Variants in RSPO1 observed in about 807,000 individuals in gnomAD.
The protein encoded by RSPO1 is R-spondin-1.
A neutral mutation model predicts 26.0 loss-of-function variants in RSPO1; 18 were observed. The observed-to-expected ratio is 0.69, with a 90% CI of 0.48 to 1.03. The LOEUF is 1.03. Ranked by LOEUF, RSPO1 falls within the 50% of genes least tolerant of loss-of-function variation. The pLI, the probability that RSPO1 is intolerant of heterozygous loss-of-function variation, is 0.00. For synonymous variants in RSPO1, 133 were observed against 137.4 expected (o/e 0.97, Z 0.22); for missense variants, 309 against 352.3 (o/e 0.88, Z 0.98).
At chr1:37,616,349 A>T in intron 4 of RSPO1, 135 bp downstream of exon 4, 1 of 747,508 alleles carries the variant, frequency 1.3e-6, no homozygotes, top group Admixed American at 2.4e-5. Flanking sequence ...GCGGCTGGAT[A>T]CTTGAATCGG....
chr1:37,626,490 C>T (rs1423533689), intron 3 of RSPO1, among the ~76,000 whole-genome samples: 10 of 152,200 alleles, frequency 6.6e-5, no homozygotes, highest in Admixed American at 6.5e-5. Flanking sequence ...GTGCGGCATT[C>T]CCGAACTGGA....
chr1:37,614,004 C>T, intron 5 of RSPO1, 112 bp from the exon 6 acceptor site: 3 of 1,379,340 alleles, frequency 2.2e-6, no homozygotes, highest in Non-Finnish European at 3.1e-6. Flanking sequence ...CTGCCTGGAC[C>T]TGAGGCTGCA....
Position 37,629,862 on chromosome 1 carries a change from C to T in RSPO1, c.-201G>A. 1 of 1,550,682 alleles carries T rather than the reference C, an allele frequency of 6.4e-7. No homozygotes were observed. Among genetic ancestry groups the T allele is most frequent in the South Asian group, 1.2e-5 (1 of 84,046 alleles). ...TTCTCCATCAGCTCAAAGGGAGGTC[C>T]TCAAAGAGAGACTTCCTCAAAGATA... On this transcript the variant is annotated 5_prime_UTR_variant, in exon 3 of 7. Transcript: ENST00000356545.
Position 37,611,688 on chromosome 1 carries a change from T to C in RSPO1, c.*1067A>G, listed in dbSNP as rs546054774. On this transcript the variant is annotated 3_prime_UTR_variant, in exon 7 of 7. Coordinates refer to ENST00000356545, the MANE Select transcript of RSPO1 (RefSeq NM_001242908.2). The stretch of plus-strand genomic sequence containing the variant: ...CACTCCCTTCCCCTGGCAGTGCCAC[T>C]AGCCCTTCAGTATATAGATTCTGCC... 6.6e-5 allele frequency: 9 copies of C among 136,372 alleles called. No individual in the cohort carries two copies. The highest frequency in any genetic ancestry group is 4.3e-4 in the Admixed American group (6 of 14,056). 8.4% of individuals were successfully genotyped at this position (136,372 alleles called of 1,614,324 possible). A position where few individuals can be genotyped will look rare whatever the true frequency, so the allele number is the denominator to read the frequency against.
At chr1:37,614,420 C>A in intron 4 of RSPO1, 87 bp from the exon 5 acceptor site, 2 of 1,460,144 alleles carry the variant, frequency 1.4e-6, no homozygotes, top group South Asian at 2.3e-5. Flanking sequence ...TCCCTTCTGT[C>A]CACACCCACC....
intron 3 of RSPO1, among the ~76,000 whole-genome samples, chr1:37,622,314 G>C (rs1447697614): frequency 1.3e-5 from 2 of 152,190 alleles, no homozygotes; most frequent in Non-Finnish European, 2.9e-5. Flanking sequence ...TTGTTCGGCA[G>C]TGAAAGGAAG....
At chr1:37,620,272 G>A (rs1644180420) in intron 3 of RSPO1, among the ~76,000 whole-genome samples, 1 of 152,162 alleles carries the variant, frequency 6.6e-6, no homozygotes, top group South Asian at 2.1e-4. Context: ...CAGCACTTCG[G>A]GAGGCTGAGG....
In RSPO1 at chr1:37,612,706, G is replaced by T. The variant is rs1243722988; in HGVS notation, c.*49C>A. The T allele has an allele frequency of 1.3e-6, 2 of 1,592,786 alleles. No individual in the cohort carries two copies. Among genetic ancestry groups the T allele is most frequent in the East Asian group, 2.2e-5 (1 of 44,770 alleles). ...AGTTCAGGAAAGCTTGAATCACGCA[G>T]AGTAGCACTGAACTCTTTCTGCATG... On this transcript the variant is annotated 3_prime_UTR_variant, in exon 7 of 7. Transcript: ENST00000356545.
At position 37,611,878 on chromosome 1, in the gene RSPO1, A is replaced by G. The variant is rs1306366288; in HGVS notation, c.*877T>C. ...CTTAAAATTTAGACTCTGGCTCACC[A>G]GGTCTGGAATGAGACCTGAGATTCT... On this transcript the variant is annotated 3_prime_UTR_variant, in exon 7 of 7. Coordinates refer to ENST00000356545, the MANE Select transcript of RSPO1 (RefSeq NM_001242908.2). 1 of 152,388 alleles carries G rather than the reference A, an allele frequency of 6.6e-6. No individual in the cohort carries two copies. Among genetic ancestry groups the G allele is most frequent in the Non-Finnish European group, 1.5e-5 (1 of 68,182 alleles). The allele number at this position is 152,388 out of a possible 1,614,324, so 9.4% of individuals were successfully genotyped here.
At chr1:37,616,771 C>G in intron 3 of RSPO1, 96 bp from the exon 4 acceptor site, 1 of 1,178,756 alleles carries the variant, frequency 8.5e-7, no homozygotes, top group Non-Finnish European at 1.3e-6. Context: ...TCGATGTTTC[C>G]TTCCACAGAA....
chr1:37,612,367 TC>T lies in RSPO1; in HGVS notation c.*387del, dbSNP rs753467437. 3 of 257,580 alleles carry T rather than the reference TC, an allele frequency of 1.2e-5. No individual in the cohort carries two copies. The highest frequency in any genetic ancestry group is 2.3e-5 in the Non-Finnish European group (3 of 131,222). 16.0% of individuals were successfully genotyped at this position (257,580 alleles called of 1,614,324 possible). On this transcript the variant is annotated 3_prime_UTR_variant, in exon 7 of 7. Transcript: ENST00000356545. The stretch of plus-strand genomic sequence containing the variant: ...TGGCTGGTCCGATCCCAGCAGCTTC[TC>T]CAGAAGGCTCCCCTCTGCAGTTTGG...
Position 37,614,204 on chromosome 1 carries a change from G to A in RSPO1, c.416C>T (p.Thr139Ile). Reference protein sequence around the residue: ...CPEGSSAANGTMECSSPAQCE... With the variant: ...CPEGSSAANGIMECSSPAQCE... ...CTTACCAGGACTACTGCACTCCATG[G>A]TGCCATTGGCAGCTGAGGAGCCCTC... The change falls in exon 5 of 7, where the codon ACC (threonine) becomes ATC (isoleucine). Residue 139 changes from threonine to isoleucine, a missense_variant. Coordinates refer to ENST00000356545, the MANE Select transcript of RSPO1 (RefSeq NM_001242908.2). The A allele has an allele frequency of 6.2e-7, 1 of 1,613,146 alleles. No individual in the cohort carries two copies. Among genetic ancestry groups the A allele is most frequent in the Non-Finnish European group, 8.5e-7 (1 of 1,180,020 alleles).
At chr1:37,614,032 G>A in intron 5 of RSPO1, 140 bp from the exon 6 acceptor site, 1 of 1,313,508 alleles carries the variant, frequency 7.6e-7, no homozygotes, top group Non-Finnish European at 1.1e-6. Flanking sequence ...TTAGTCCAGA[G>A]GGCAGAAAAG....
Position 37,629,781 on chromosome 1 carries a change from G to A in RSPO1, c.-120C>T, listed in dbSNP as rs575503019. ...GCAGCAGGAGGCCCAGGCCTGGGCC[G>A]TAGCCCAAATCCACCATAATCTCAG... On this transcript the variant is annotated 5_prime_UTR_variant, in exon 3 of 7. It adds an upstream start codon to the 5' untranslated region. Coordinates refer to ENST00000356545, the MANE Select transcript of RSPO1 (RefSeq NM_001242908.2). 1.4e-5 allele frequency: 22 copies of A among 1,552,482 alleles called. No individual in the cohort carries two copies. The highest frequency in any genetic ancestry group is 8.2e-5 in the African/African-American group (6 of 73,178).
In RSPO1 at chr1:37,616,457, GCCCCCGACAGCCCTGC is replaced by G. The variant is rs1433364776; in HGVS notation, c.286+11_286+26del. 2 of 1,609,740 alleles carry G rather than the reference GCCCCCGACAGCCCTGC, an allele frequency of 1.2e-6. No individual in the cohort carries two copies. Among genetic ancestry groups the G allele is most frequent in the African/African-American group, 2.7e-5 (2 of 74,800 alleles). On this transcript the variant is annotated intron_variant, in intron 4 of 6. Coordinates refer to ENST00000356545, the MANE Select transcript of RSPO1 (RefSeq NM_001242908.2). ...CAGTCCAGAGCTTCTAATGCCCCCT[GCCCCCGACAGCCCTGC>G]CCACACTCACTGATGCACTTGTTCA...
chr1:37,620,679 C>T (rs541030631), intron 3 of RSPO1, among the ~76,000 whole-genome samples: 54 of 149,566 alleles, frequency 3.6e-4, no homozygotes, highest in Non-Finnish European at 5.9e-4. Flanking sequence ...AAATAAAAAT[C>T]ACGATCATTC....
At chr1:37,622,510 C>CAA (rs144102086) in intron 3 of RSPO1, among the ~76,000 whole-genome samples, 1 of 150,124 alleles carries the variant, frequency 6.7e-6, no homozygotes, top group Non-Finnish European at 1.5e-5. Context: ...GACCCTGACT[C>CAA]AAAAAAAAAG....
intron 1 of RSPO1, among the ~76,000 whole-genome samples, chr1:37,633,042 T>C (rs969000810): frequency 7.2e-5 from 11 of 152,232 alleles, no homozygotes; most frequent in African/African-American, 2.4e-4. Context: ...CATTTCTCTC[T>C]GCCACTGTGG....
In RSPO1 at chr1:37,629,874, C is replaced by A. The variant is rs1228752785; in HGVS notation, c.-213G>T. The A allele has an allele frequency of 6.4e-7, 1 of 1,550,488 alleles. No homozygotes were observed. Among genetic ancestry groups the A allele is most frequent in the African/African-American group, 1.4e-5 (1 of 73,032 alleles). ...TCAAAGGGAGGTCCTCAAAGAGAGA[C>A]TTCCTCAAAGATACCTCGGAATATC... On this transcript the variant is annotated 5_prime_UTR_variant, in exon 3 of 7. Transcript: ENST00000356545.
Sources: gnomAD v4.1 joint callset for allele counts (sites outside exome capture counted in the v4.1 genomes callset) on GRCh38, gnomAD v4.1.1 for gene constraint, MANE v1.5 for transcripts, NCBI Gene and HGNC (gene_info 2026-07-23, HGNC 2026-07-21) for gene names.